Variants in LIN54 observed in about 807,000 individuals in gnomAD.
LIN54 encodes lin-54 DREAM MuvB core complex component.
In LIN54, 9 loss-of-function variants were observed where a neutral mutation model predicts 78.7. That is an observed-to-expected ratio of 0.11 (90% CI 0.07 to 0.20). The LOEUF (loss-of-function observed/expected upper bound fraction) is 0.20, where lower values mean the gene tolerates loss of function less well. LIN54 is among the 10% of genes least tolerant of loss of function. The pLI, the probability that LIN54 is intolerant of heterozygous loss-of-function variation, is 1.00. For missense variants in LIN54, 573 were observed against 889.9 expected, an observed-to-expected ratio of 0.64 and a Z score of 4.53; for synonymous variants, 269 against 318.4, an observed-to-expected ratio of 0.84 and a Z score of 1.65.
chr4:83,012,502 C>G (rs975124860), upstream of LIN54, among the ~76,000 whole-genome samples: 1 of 152,140 alleles, frequency 6.6e-6, no homozygotes, highest in Non-Finnish European at 1.5e-5. Flanking sequence ...TCCAGACCGC[C>G]GGGCAGGCGG....
At chr4:83,011,739 GAACAGAGGT>G (rs1479071221), upstream of LIN54, among the ~76,000 whole-genome samples, 2 of 147,296 alleles carry the variant, frequency 1.4e-5, no homozygotes, top group Non-Finnish European at 3.0e-5. Context: ...AACCAAAAGA[GAACAGAGGT>G]AATTCTTAAT....
At chr4:82,954,444 G>A (rs2126053950) in intron 4 of LIN54, among the ~76,000 whole-genome samples, 1 of 106,972 alleles carries the variant, frequency 9.3e-6, no homozygotes, top group East Asian at 2.6e-4. Flanking sequence ...TTAAGACGGA[G>A]TCTCACTGGG....
chr4:82,936,332 T>C lies in LIN54; in HGVS notation c.1654A>G (p.Thr552Ala). ...NGEFCNNCNC[T>A]NCYNNLEHEN... ...TGTTCCAAATTGTTGTAACAATTAG[T>C]ACAATTGCAGTTGTTGCAAAATTCA... Residue 552 changes from threonine (T) to alanine (A), a missense_variant, in exon 10 of 13, where the codon ACT becomes GCT. By Grantham distance (58) the Thr-to-Ala change is moderately conservative. This residue lies in a region of LIN54 where 101 missense variants were observed against 194.2 expected (regional missense o/e 0.52). Transcript: ENST00000340417. 6.3e-7 allele frequency: 1 copy of C among 1,580,074 alleles called. No homozygotes were observed. Among genetic ancestry groups the C allele is most frequent in the Non-Finnish European group, 8.6e-7 (1 of 1,158,488 alleles).
intron 1 of LIN54, among the ~76,000 whole-genome samples, chr4:83,009,514 A>C (rs1438811008): frequency 6.6e-6 from 1 of 152,208 alleles, no homozygotes; most frequent in Non-Finnish European, 1.5e-5. Context: ...ACTTTTCTGT[A>C]ACACTAGTGT....
rs1055789565 is a variant in LIN54, at chr4:83,007,699, C to T, written c.-33+2785G>A. On this transcript the variant is annotated intron_variant, in intron 1 of 12. Coordinates refer to ENST00000340417, the MANE Select transcript of LIN54 (RefSeq NM_194282.4). The stretch of plus-strand genomic sequence containing the variant: ...GCTCAGGAGTTTGAGACCAGCCTGG[C>T]CAACATGGTGAAACCCTGTCTCTAC... Among the ~76,000 whole-genome samples the T allele has an allele frequency of 7.2e-5, 11 of 152,088 alleles. No homozygotes were observed. The East Asian group carries it at 2.1e-3, about 29-fold the overall frequency.
upstream of LIN54, among the ~76,000 whole-genome samples, chr4:83,011,382 C>T (rs978212223): frequency 6.6e-6 from 1 of 152,086 alleles, no homozygotes; most frequent in African/African-American, 2.4e-5. Flanking sequence ...AGCTATCTTC[C>T]TCTCCAACTT....
intron 11 of LIN54, among the ~76,000 whole-genome samples, chr4:82,933,237 TTA>T (rs748650529): frequency 8.1e-5 from 12 of 148,780 alleles, no homozygotes; most frequent in African/African-American, 9.8e-5. Flanking sequence ...AATTTAGATT[TTA>T]TATATATATA....
chr4:82,995,307 A>G (rs952884424), intron 1 of LIN54, among the ~76,000 whole-genome samples: 6 of 149,622 alleles, frequency 4.0e-5, no homozygotes, highest in Admixed American at 6.7e-5. Flanking sequence ...CTCTGGGGGG[A>G]AAAAAATTAA....
chr4:83,010,910 C>T, upstream of LIN54: 1 of 1,059,318 alleles, frequency 9.4e-7, no homozygotes, highest in South Asian at 4.7e-5. Context: ...CCCGCCGCCC[C>T]GCCAACCTTC....
chr4:83,002,340 A>C lies in LIN54; in HGVS notation c.-33+8144T>G, dbSNP rs1417932265. Among the ~76,000 whole-genome samples, 3 of 150,884 alleles carry C rather than the reference A, an allele frequency of 2.0e-5. No homozygotes were observed. The Admixed American group carries it at 2.0e-4, about 10-fold the overall frequency. The stretch of plus-strand genomic sequence containing the variant: ...CGCCTAAGCCCAGGTGGAGTTCAAG[A>C]CCAGCAACATAGCGAGACCTCACCT... On this transcript the variant is annotated intron_variant, in intron 1 of 12. Transcript: ENST00000340417.
intron 2 of LIN54, among the ~76,000 whole-genome samples, chr4:82,982,177 C>T (rs1246517767): frequency 1.3e-5 from 2 of 152,058 alleles, no homozygotes; most frequent in African/African-American, 4.8e-5. Flanking sequence ...ATATACCTTG[C>T]TCTCATAAAT....
rs143930029 is a variant in LIN54, at chr4:82,984,391, T to C, written c.454A>G (p.Ile152Val). The C allele has an allele frequency of 1.5e-4, 235 of 1,614,182 alleles. No homozygotes were observed. The highest frequency in any genetic ancestry group is 2.2e-4 in the Admixed American group (13 of 60,002). ...LTTLGKSGSP[I>V]VLALPHSQLP... ...TGGCTATGGGGTAGTGCTAAAACAA[T>C]TGGTGAACCAGACTTGCCCAAAGTT... The change falls in exon 2 of 13, where the codon ATT becomes GTT. Residue 152 changes from isoleucine to valine, a missense_variant. Ile to Val is a conservative substitution (Grantham distance 29). Coordinates refer to ENST00000340417, the MANE Select transcript of LIN54 (RefSeq NM_194282.4).
intron 1 of LIN54, among the ~76,000 whole-genome samples, chr4:83,009,779 T>C (rs1729704030): frequency 6.6e-6 from 1 of 152,178 alleles, no homozygotes; most frequent in African/African-American, 2.4e-5. Flanking sequence ...ACAATGAAGG[T>C]AAAACTCAGG....
rs1721352536 is a variant in LIN54 at position 82,924,988 on chromosome 4, T to G, written c.*3114A>C. The stretch of plus-strand genomic sequence containing the variant: ...GATAACTTTTCTAAAATTATTTTTA[T>G]TCACATTTTACATAAGATTGAAAAA... On this transcript the variant is annotated 3_prime_UTR_variant, in exon 13 of 13. Coordinates refer to ENST00000340417, the MANE Select transcript of LIN54 (RefSeq NM_194282.4). 6.5e-6 allele frequency: 1 copy of G among 152,684 alleles called. No individual in the cohort carries two copies. The highest frequency in any genetic ancestry group is 2.1e-4 in the South Asian group (1 of 4,838). 9.5% of individuals were successfully genotyped at this position (152,684 alleles called of 1,614,324 possible).
intron 4 of LIN54, among the ~76,000 whole-genome samples, chr4:82,967,499 A>T (rs1019626187): frequency 6.6e-6 from 1 of 152,226 alleles, no homozygotes; most frequent in Non-Finnish European, 1.5e-5. Flanking sequence ...GAAGTTTCCC[A>T]CTGGCCATGT....
At chr4:82,930,829 C>T in intron 12 of LIN54, 114 bp downstream of exon 12, 1 of 876,754 alleles carries the variant, frequency 1.1e-6, no homozygotes, top group Non-Finnish European at 1.8e-6. Flanking sequence ...GGAAAGAAAA[C>T]ACAAAAATCA....
chr4:82,933,330 G>A (rs965714086), intron 11 of LIN54, among the ~76,000 whole-genome samples: 1 of 150,944 alleles, frequency 6.6e-6, no homozygotes, highest in Non-Finnish European at 1.5e-5. Flanking sequence ...GAGCTCAGAT[G>A]GAGAAATTAC....
At chr4:82,942,439 T>C (rs569434480) in intron 5 of LIN54, among the ~76,000 whole-genome samples, 1 of 152,084 alleles carries the variant, frequency 6.6e-6, no homozygotes, top group Non-Finnish European at 1.5e-5. Flanking sequence ...ACAAAAAGAG[T>C]GTAAGACTCT....
In LIN54 at chr4:82,979,939, C is replaced by CAA. The variant is rs70943176; in HGVS notation, c.685-935_685-934dup. 1.2e-4 allele frequency among the ~76,000 whole-genome samples: 6 copies of CAA among 49,848 alleles called. 1 individual carries two copies. The highest frequency in any genetic ancestry group is 1.7e-4 in the African/African-American group (2 of 11,870). 32.7% of individuals were successfully genotyped at this position (49,848 alleles called of 152,430 possible). ...TGACAGAGTGAGTGAGACTCTGTCTCAAAAAAAAAAAAAAAAAAAAAAAAA... is the reference window on the plus strand; with the variant it reads ...TGACAGAGTGAGTGAGACTCTGTCTCAAAAAAAAAAAAAAAAAAAAAAAAAAA... On this transcript the variant is annotated intron_variant, in intron 2 of 12. Coordinates refer to ENST00000340417, the MANE Select transcript of LIN54 (RefSeq NM_194282.4).
Sources: gnomAD v4.1 joint callset for allele counts (sites outside exome capture counted in the v4.1 genomes callset) on GRCh38, gnomAD v4.1.1 for gene constraint, gnomAD v4.1.1 regional missense constraint, MANE v1.5 for transcripts, NCBI Gene and HGNC (gene_info 2026-07-23, HGNC 2026-07-21) for gene names.